ST3GAL6: variants seen among roughly 807,000 people sequenced by gnomAD.
ST3GAL6 encodes the protein type 2 lactosamine alpha-2,3-sialyltransferase.
ST3GAL6 carries 31 observed loss-of-function variants against 40.5 expected under a neutral mutation model. The observed-to-expected ratio is 0.77, with a 90% CI of 0.58 to 1.03. The LOEUF is 1.03. Ranked by LOEUF, ST3GAL6 falls within the 50% of genes least tolerant of loss-of-function variation. ST3GAL6 has a pLI of 0.00. For synonymous variants in ST3GAL6, 129 were observed against 136.9 expected (o/e 0.94, Z 0.40); for missense variants, 357 against 393.2 (o/e 0.91, Z 0.78).
chr3:98,734,671 T>A (rs1458713552), intron 1 of ST3GAL6, among the ~76,000 whole-genome samples: 2 of 152,192 alleles, frequency 1.3e-5, no homozygotes, highest in Non-Finnish European at 2.9e-5. Context: ...TTTGTTCTTA[T>A]GCCCTATATC....
At chr3:98,742,034 T>A (rs1936135939) in intron 1 of ST3GAL6, among the ~76,000 whole-genome samples, 1 of 152,156 alleles carries the variant, frequency 6.6e-6, no homozygotes, top group African/African-American at 2.4e-5. Context: ...TCTTCATATA[T>A]TTTACACAGT....
Position 98,749,059 on chromosome 3 carries a change from C to T in ST3GAL6, c.-12+16527C>T, listed in dbSNP as rs184251673. On this transcript the variant is annotated intron_variant, in intron 1 of 9. Coordinates refer to the ST3GAL6 transcript ENST00000265261. ...TGAACTGTAAACTGTTTTTCTTCTT[C>T]GCTGCTGTATCTCCAAAGCCTAAAA... Among the ~76,000 whole-genome samples the T allele has an allele frequency of 2.9e-4, 44 of 152,228 alleles. 1 individual carries two copies. The highest frequency in any genetic ancestry group is 1.0e-3 in the African/African-American group (42 of 41,526).
chr3:98,757,234 C>T (rs1320000966), intron 1 of ST3GAL6, among the ~76,000 whole-genome samples: 1 of 152,176 alleles, frequency 6.6e-6, no homozygotes, highest in Non-Finnish European at 1.5e-5. Flanking sequence ...GTTTGGAGAT[C>T]TTTTTGGGAA....
intron 6 of ST3GAL6, among the ~76,000 whole-genome samples, chr3:98,786,893 T>C (rs1940769820): frequency 6.6e-6 from 1 of 151,778 alleles, no homozygotes; most frequent in Non-Finnish European, 1.5e-5. Flanking sequence ...GAGGGGAAAA[T>C]ACGGACCTTT....
chr3:98,777,940 C>T (rs1209607733), intron 5 of ST3GAL6, among the ~76,000 whole-genome samples: 1 of 152,186 alleles, frequency 6.6e-6, no homozygotes, highest in Non-Finnish European at 1.5e-5. Context: ...TGTAGCTCCT[C>T]AGCACCAGTC....
chr3:98,737,517 A>G (rs1459232316), intron 1 of ST3GAL6, among the ~76,000 whole-genome samples: 2 of 152,164 alleles, frequency 1.3e-5, no homozygotes, highest in Admixed American at 6.5e-5. Flanking sequence ...GAGCTCAGAG[A>G]CGCCTATACA....
At chr3:98,742,381 C>A (rs1936167786) in intron 1 of ST3GAL6, among the ~76,000 whole-genome samples, 1 of 152,178 alleles carries the variant, frequency 6.6e-6, no homozygotes, top group Non-Finnish European at 1.5e-5. Context: ...CCAAAACACC[C>A]TAACCGCAAG....
chr3:98,742,796 T>C (rs1936210127), intron 1 of ST3GAL6, among the ~76,000 whole-genome samples: 1 of 151,422 alleles, frequency 6.6e-6, no homozygotes, highest in Non-Finnish European at 1.5e-5. Flanking sequence ...CCTCCTGGGT[T>C]AAGCGATTCT....
chr3:98,760,072 T>G (rs1576068206), upstream of ST3GAL6, among the ~76,000 whole-genome samples: 1 of 152,358 alleles, frequency 6.6e-6, no homozygotes, highest in South Asian at 2.1e-4. Flanking sequence ...GACTAGTTTC[T>G]TCAGAGAAAC....
intron 1 of ST3GAL6, among the ~76,000 whole-genome samples, chr3:98,743,910 C>T (rs926107564): frequency 6.0e-5 from 9 of 150,426 alleles, no homozygotes; most frequent in South Asian, 2.2e-4. Flanking sequence ...CTCCCCCCCC[C>T]GCTCCAAGAG....
upstream of ST3GAL6, among the ~76,000 whole-genome samples, chr3:98,760,984 T>C (rs1297075919): frequency 1.3e-5 from 2 of 152,204 alleles, no homozygotes; most frequent in Non-Finnish European, 2.9e-5. Context: ...ATATATTATA[T>C]GATTCAATTT....
In ST3GAL6 at chr3:98,795,835, A is replaced by G. The variant is rs574164935; in HGVS notation, c.*2074A>G. The G allele has an allele frequency of 3.3e-5, 5 of 152,426 alleles. No homozygotes were observed. In the South Asian group the frequency reaches 1.0e-3, roughly 32 times the overall value. The allele number at this position is 152,426 out of a possible 1,614,324, so 9.4% of individuals were successfully genotyped here. A position where few individuals can be genotyped will look rare whatever the true frequency, so the allele number is the denominator to read the frequency against. On this transcript the variant is annotated 3_prime_UTR_variant, in exon 10 of 10. Coordinates refer to ENST00000483910, the MANE Select transcript of ST3GAL6 (RefSeq NM_001323368.2). ...CTTAGAATCTAAAATAAAAGTTGAA[A>G]TTATTTTTTTAAAAAAAGGATGGCG... is the stretch of plus-strand genomic sequence containing the variant.
At chr3:98,764,096 G>A (rs1190979234) in intron 1 of ST3GAL6, among the ~76,000 whole-genome samples, 1 of 152,168 alleles carries the variant, frequency 6.6e-6, no homozygotes, top group Non-Finnish European at 1.5e-5. Flanking sequence ...AATAGAGAAC[G>A]CCAAGGGTCT....
chr3:98,757,830 T>A (rs1237408775), intron 1 of ST3GAL6, among the ~76,000 whole-genome samples: 1 of 152,114 alleles, frequency 6.6e-6, no homozygotes, highest in African/African-American at 2.4e-5. Flanking sequence ...TAATTTTAAC[T>A]GCTTTTTTTT....
chr3:98,777,435 A>G (rs1279841114), intron 5 of ST3GAL6, among the ~76,000 whole-genome samples: 1 of 152,254 alleles, frequency 6.6e-6, no homozygotes, highest in Non-Finnish European at 1.5e-5. Flanking sequence ...TGATTGTTAA[A>G]CATTGACTAG....
In ST3GAL6 at chr3:98,774,047, A is replaced by G. The variant is rs1939280698; in HGVS notation, c.335+64A>G. The G allele has an allele frequency of 3.1e-6, 4 of 1,307,390 alleles. No individual in the cohort carries two copies. In the South Asian group the frequency reaches 5.0e-5, roughly 16 times the overall value. The allele number at this position is 1,307,390 out of a possible 1,614,324, so 81.0% of individuals were successfully genotyped here. A position where few individuals can be genotyped will look rare whatever the true frequency, so the allele number is the denominator to read the frequency against. ...TCAGCTAAGCTGGTTCAAAATATGT[A>G]CCCCAAGAAATGTAAGATGTATTTA... is the stretch of plus-strand genomic sequence containing the variant. On this transcript the variant is annotated intron_variant, in intron 5 of 9. Transcript: ENST00000483910.
chr3:98,763,731 A>C (rs2107119931), intron 1 of ST3GAL6, among the ~76,000 whole-genome samples: 1 of 147,264 alleles, frequency 6.8e-6, no homozygotes, highest in African/African-American at 2.6e-5. Flanking sequence ...GATCCTAGTG[A>C]CTAAAAAAAA....
chr3:98,757,719 A>G (rs1937519055), intron 1 of ST3GAL6, among the ~76,000 whole-genome samples: 1 of 152,168 alleles, frequency 6.6e-6, no homozygotes, highest in South Asian at 2.1e-4. Context: ...TATCTGTATG[A>G]TAGGGATGAC....
chr3:98,732,770 C>G, intron 1 of ST3GAL6: 1 of 1,292,796 alleles, frequency 7.7e-7, no homozygotes, highest in Non-Finnish European at 1.0e-6. Flanking sequence ...CTCTGCTCCC[C>G]CGCCAGATCC....
Sources: allele counts gnomAD v4.1 joint callset (sites outside exome capture counted in the v4.1 genomes callset), GRCh38; gene constraint gnomAD v4.1.1; transcripts MANE v1.5; gene names NCBI Gene and HGNC (gene_info 2026-07-23, HGNC 2026-07-21).